Variants in KIAA1217 observed in about 807,000 individuals in gnomAD.
The protein encoded by KIAA1217 is sickle tail protein homolog.
Under a neutral mutation model 163.9 loss-of-function variants are expected in KIAA1217, and 88 were observed. The observed-to-expected ratio is 0.54, with a 90% CI of 0.45 to 0.64. The LOEUF (loss-of-function observed/expected upper bound fraction) is 0.64. Among genes scored for constraint, KIAA1217 ranks in the 30% least tolerant of loss-of-function variants. KIAA1217 has a pLI of 0.00. For missense variants in KIAA1217, 2,372 were observed against 2,475.0 expected (o/e 0.96, Z 0.88); for synonymous variants, 903 against 923.1 (o/e 0.98, Z 0.39).
chr10:24,142,802 G>A (rs1376731546), intron 2 of KIAA1217, among the ~76,000 whole-genome samples: 1 of 152,096 alleles, frequency 6.6e-6, no homozygotes, highest in Non-Finnish European at 1.5e-5. Context: ...TGTTGTCCCT[G>A]TAGGTTTAAT....
At chr10:23,919,998 G>A (rs1439419106) in intron 1 of KIAA1217, among the ~76,000 whole-genome samples, 1 of 152,200 alleles carries the variant, frequency 6.6e-6, no homozygotes, top group Admixed American at 6.5e-5. Context: ...CAATCCCAGG[G>A]TCAGTCCTCC....
At chr10:24,149,396 C>T (rs2131854031) in intron 2 of KIAA1217, among the ~76,000 whole-genome samples, 1 of 152,068 alleles carries the variant, frequency 6.6e-6, no homozygotes, top group East Asian at 1.9e-4. Context: ...GTTGACCAGG[C>T]TGGTCTCGAA....
At chr10:23,969,311 A>G (rs1845205609) in intron 1 of KIAA1217, among the ~76,000 whole-genome samples, 2 of 152,224 alleles carry the variant, frequency 1.3e-5, no homozygotes, top group Non-Finnish European at 2.9e-5. Context: ...CTGGGATTAT[A>G]GGCATGAGCC....
At chr10:23,924,331 T>A (rs1842948240) in intron 1 of KIAA1217, among the ~76,000 whole-genome samples, 1 of 152,100 alleles carries the variant, frequency 6.6e-6, no homozygotes, top group Admixed American at 6.6e-5. Context: ...GAAACTACAA[T>A]ATAACTACCA....
intron 3 of KIAA1217, among the ~76,000 whole-genome samples, chr10:24,424,527 T>A (rs1345922452): frequency 6.6e-6 from 1 of 152,238 alleles, no homozygotes; most frequent in Non-Finnish European, 1.5e-5. Flanking sequence ...AATGAAGCCA[T>A]TTCTACCGTT....
intron 1 of KIAA1217, among the ~76,000 whole-genome samples, chr10:23,843,690 T>C (rs1475227833): frequency 6.6e-6 from 1 of 152,172 alleles, no homozygotes; most frequent in African/African-American, 2.4e-5. Flanking sequence ...ATAAGATCTT[T>C]GTTGACTATG....
In KIAA1217 at chr10:23,898,479, AATT is replaced by A. The variant is rs574240302; in HGVS notation, c.-320-108743_-320-108741del. Among the ~76,000 whole-genome samples, 66 of 152,116 alleles carry A rather than the reference AATT, an allele frequency of 4.3e-4. No individual in the cohort carries two copies. The East Asian group carries it at 9.1e-3, about 21-fold the overall frequency. On this transcript the variant is annotated intron_variant, in intron 1 of 18. Transcript: ENST00000376462. ...CTTTTATTATAACTTCACCATAAAT[AATT>A]ATATCTCTAAAAATTACATAAGTTT...
chr10:24,093,700 G>A (rs1170332571), intron 2 of KIAA1217, among the ~76,000 whole-genome samples: 1 of 150,760 alleles, frequency 6.6e-6, no homozygotes, highest in Non-Finnish European at 1.5e-5. Flanking sequence ...GGCACAATGT[G>A]CAGGTTAGTT....
chr10:23,870,654 T>G (rs1234109223), intron 1 of KIAA1217, among the ~76,000 whole-genome samples: 2 of 152,092 alleles, frequency 1.3e-5, no homozygotes, highest in African/African-American at 4.8e-5. Context: ...AACAACGCAG[T>G]GAAGTAGGTA....
At chr10:24,354,006 C>T (rs2048770742) in intron 2 of KIAA1217, among the ~76,000 whole-genome samples, 1 of 152,122 alleles carries the variant, frequency 6.6e-6, no homozygotes, top group Non-Finnish European at 1.5e-5. Context: ...ATGGTTTCTC[C>T]ACGGATTATC....
chr10:24,095,502 A>G (rs1279214824), intron 2 of KIAA1217, among the ~76,000 whole-genome samples: 1 of 152,134 alleles, frequency 6.6e-6, no homozygotes, highest in African/African-American at 2.4e-5. Flanking sequence ...CTTAATTTCC[A>G]GAAACCACCC....
intron 7 of KIAA1217, 140 bp from the exon 8 acceptor site, chr10:24,495,007 G>A: frequency 2.9e-6 from 2 of 690,706 alleles, no homozygotes; most frequent in Non-Finnish European, 2.4e-6. Flanking sequence ...CTGGCCAATT[G>A]TGATGCTGAT....
chr10:24,530,382 A>G (rs770313790), intron 14 of KIAA1217, among the ~76,000 whole-genome samples: 16 of 152,158 alleles, frequency 1.1e-4, no homozygotes, highest in Non-Finnish European at 2.1e-4. Flanking sequence ...GAAACAGTAC[A>G]GTGATGGACA....
rs547487675 is a variant in KIAA1217 at position 23,815,876 on chromosome 10, T to G, written c.-321+120642T>G. On this transcript the variant is annotated intron_variant, in intron 1 of 18. Transcript: ENST00000376462. The stretch of plus-strand genomic sequence containing the variant: ...GTCGATTCTTTTGGTGTTTGGAAAA[T>G]GTTTTTGCTGCATAAGCAGGGCAAA... 3.3e-5 allele frequency among the ~76,000 whole-genome samples: 5 copies of G among 151,992 alleles called. No individual in the cohort carries two copies. The South Asian group carries it at 1.1e-3, about 32-fold the overall frequency.
rs147407656 is a variant in KIAA1217 at position 24,303,689 on chromosome 10, C to T, written c.355-77180C>T. Among the ~76,000 whole-genome samples the T allele has an allele frequency of 2.2e-3, 333 of 152,244 alleles. 3 individuals carry two copies. Among genetic ancestry groups the T allele is most frequent in the African/African-American group, 7.4e-3 (309 of 41,544 alleles). On this transcript the variant is annotated intron_variant, in intron 2 of 20. Transcript: ENST00000376454. ...AGTTGGGTTTTGGACAGACTACATT[C>T]GAAGTTCCTGTTGGACGTTGAAGGC...
chr10:24,536,295 A>G (rs895668414), intron 16 of KIAA1217, among the ~76,000 whole-genome samples: 3 of 152,192 alleles, frequency 2.0e-5, no homozygotes, highest in Middle Eastern at 3.2e-3. Flanking sequence ...ACCTGTTACT[A>G]TTTCAGAGAA....
chr10:23,825,106 C>T (rs1291137724), intron 1 of KIAA1217, among the ~76,000 whole-genome samples: 1 of 152,290 alleles, frequency 6.6e-6, no homozygotes, highest in African/African-American at 2.4e-5. Flanking sequence ...CCAATTCCTG[C>T]ACGCACCTTT....
At chr10:24,486,990 C>T (rs1592320853) in intron 6 of KIAA1217, among the ~76,000 whole-genome samples, 1 of 152,318 alleles carries the variant, frequency 6.6e-6, no homozygotes, top group East Asian at 1.9e-4. Context: ...AGAAAGGTCA[C>T]CGCTGTAAGG....
intron 5 of KIAA1217, among the ~76,000 whole-genome samples, chr10:24,444,610 G>A (rs564606318): frequency 2.8e-4 from 43 of 152,282 alleles, no homozygotes; most frequent in African/African-American, 1.0e-3. Context: ...TTGTTAAACA[G>A]GATGCGCTGA....
Sources: gnomAD v4.1 joint callset for allele counts (sites outside exome capture counted in the v4.1 genomes callset) on GRCh38, gnomAD v4.1.1 for gene constraint, MANE v1.5 for transcripts, NCBI Gene and HGNC (gene_info 2026-07-23, HGNC 2026-07-21) for gene names.